B4GALNT2: variants seen among roughly 807,000 people sequenced by gnomAD.
B4GALNT2 encodes beta-1,4-N-acetyl-galactosaminyltransferase 2 (SID blood group).
B4GALNT2 carries 42 observed loss-of-function variants against 51.1 expected under a neutral mutation model. The observed-to-expected ratio is 0.82, with a 90% CI of 0.64 to 1.06. The LOEUF (loss-of-function observed/expected upper bound fraction) is 1.06, where lower values mean the gene tolerates loss of function less well. Ranked by LOEUF, B4GALNT2 falls within the 50% of genes least tolerant of loss-of-function variation. The pLI, the probability that B4GALNT2 is intolerant of heterozygous loss-of-function variation, is 0.00. For synonymous variants in B4GALNT2, 253 were observed against 251.7 expected, an observed-to-expected ratio of 1.01 and a Z score of -0.05; for missense variants, 602 against 633.6, an observed-to-expected ratio of 0.95 and a Z score of 0.54.
In B4GALNT2 at chr17:49,160,277, C is replaced by A. The variant is rs112935998; in HGVS notation, c.680-278C>A. Among the ~76,000 whole-genome samples the A allele has an allele frequency of 3.6e-3, 552 of 152,212 alleles. 1 individual carries two copies. Among genetic ancestry groups the A allele is most frequent in the African/African-American group, 0.013 (521 of 41,514 alleles). The stretch of plus-strand genomic sequence containing the variant: ...AAAATCAGATAGTAAATGGTAAAGT[C>A]AAACTTAGCCCAGACCCTCTGGTTT... On this transcript the variant is annotated intron_variant, in intron 6 of 10. Coordinates refer to ENST00000393354, the MANE Select transcript of B4GALNT2 (RefSeq NM_001159387.2).
intron 1 of B4GALNT2, among the ~76,000 whole-genome samples, chr17:49,137,516 C>G (rs2042601828): frequency 6.6e-6 from 1 of 152,108 alleles, no homozygotes; most frequent in South Asian, 2.1e-4. Flanking sequence ...TTGCCAGCCT[C>G]CAGAACATAA....
chr17:49,136,518 G>GTTTA (rs141696525), intron 1 of B4GALNT2, among the ~76,000 whole-genome samples: 5,646 of 148,372 alleles, frequency 0.038, 129 homozygotes, highest in Admixed American at 0.05. Context: ...TCACATTAGA[G>GTTTA]TTTATTTATT....
chr17:49,147,591 G>A (rs1298359602), intron 3 of B4GALNT2, among the ~76,000 whole-genome samples: 2 of 151,778 alleles, frequency 1.3e-5, no homozygotes, highest in Non-Finnish European at 2.9e-5. Context: ...GCCCAGGCTT[G>A]TCTCAAACTC....
chr17:49,139,137 A>G (rs565183060), intron 1 of B4GALNT2, among the ~76,000 whole-genome samples: 14 of 152,182 alleles, frequency 9.2e-5, no homozygotes, highest in Non-Finnish European at 1.6e-4. Flanking sequence ...CCTGTAAATA[A>G]TACTTTTTAT....
In B4GALNT2 at chr17:49,173,909, C is replaced by T. The variant is rs1476752134; in HGVS notation, c.*4181C>T. 1.3e-5 allele frequency: 2 copies of T among 152,142 alleles called. No individual in the cohort carries two copies. The highest frequency in any genetic ancestry group is 6.6e-5 in the Admixed American group (1 of 15,262). The allele number at this position is 152,142 out of a possible 1,614,324, so 9.4% of individuals were successfully genotyped here. ...TTGATGAGCTGCAGCTCTGCATCAG[C>T]TTCTTTTGTTAATTGCCGAGGGCTA... On this transcript the variant is annotated 3_prime_UTR_variant, in exon 11 of 11. Coordinates refer to ENST00000393354, the MANE Select transcript of B4GALNT2 (RefSeq NM_001159387.2).
the B4GALNT2 span, among the ~76,000 whole-genome samples, chr17:49,124,566 A>G: frequency 6.6e-6 from 1 of 152,230 alleles, no homozygotes; most frequent in Admixed American, 6.5e-5. Flanking sequence ...TAACTTTGGA[A>G]CACATACCAA....
At chr17:49,122,947 G>A in the B4GALNT2 span, among the ~76,000 whole-genome samples, 12 of 152,360 alleles carry the variant, frequency 7.9e-5, no homozygotes, top group East Asian at 2.3e-3. Flanking sequence ...TGGCTGAGAA[G>A]GAGAGGTAGG....
chr17:49,161,971 T>G (rs1018363650), intron 7 of B4GALNT2, among the ~76,000 whole-genome samples: 2 of 151,066 alleles, frequency 1.3e-5, no homozygotes, highest in African/African-American at 4.8e-5. Flanking sequence ...TATATAAAAT[T>G]TTATATATTA....
intron 4 of B4GALNT2, 147 bp from the exon 5 acceptor site, chr17:49,156,419 C>T (rs369293546): frequency 1.3e-4 from 98 of 768,758 alleles, no homozygotes; most frequent in East Asian, 1.1e-3. Flanking sequence ...TGGGGAGAGG[C>T]GCACGTGTCA....
intron 3 of B4GALNT2, among the ~76,000 whole-genome samples, chr17:49,147,966 T>TTATATATATATATATATATA (rs140831657): frequency 1.4e-5 from 2 of 147,640 alleles, no homozygotes; most frequent in African/African-American, 5.0e-5. Flanking sequence ...TTTTATTCAA[T>TTATATATATATATATATATA]TATATATATA....
intron 4 of B4GALNT2, among the ~76,000 whole-genome samples, chr17:49,155,435 T>G (rs531623959): frequency 1.3e-5 from 2 of 150,308 alleles, no homozygotes; most frequent in African/African-American, 4.9e-5. Context: ...AAACCCCATC[T>G]CCACTAAAAA....
chr17:49,143,300 A>G (rs201598713), intron 3 of B4GALNT2, among the ~76,000 whole-genome samples: 2 of 91,194 alleles, frequency 2.2e-5, no homozygotes, highest in Admixed American at 1.2e-4. Context: ...AACAACAAAA[A>G]CAAAAAAACA....
At chr17:49,142,324 G>A in intron 3 of B4GALNT2, 152 bp downstream of exon 3, 1 of 1,002,544 alleles carries the variant, frequency 1.0e-6, no homozygotes, top group South Asian at 1.8e-5. Flanking sequence ...AACAAAGAAG[G>A]AATCGAGGAA....
At chr17:49,157,418 T>C (rs2042821552) in intron 5 of B4GALNT2, among the ~76,000 whole-genome samples, 2 of 147,232 alleles carry the variant, frequency 1.4e-5, no homozygotes, top group African/African-American at 2.5e-5. Context: ...CCTCCCGAGT[T>C]CAATCGAGTC....
Position 49,164,269 on chromosome 17 carries a change from T to C in B4GALNT2, c.948T>C (p.Phe316=), listed in dbSNP as rs1198481937. The C allele has an allele frequency of 6.2e-7, 1 of 1,610,910 alleles. No individual in the cohort carries two copies. Among genetic ancestry groups the C allele is most frequent in the Non-Finnish European group, 8.5e-7 (1 of 1,177,124 alleles). Reference sequence around the variant, plus strand: ...ACGTGGAGTATTACACTATGCCCTTTGGGAAGGTATGTCCCTCTCAGATTG... The same window carrying C: ...ACGTGGAGTATTACACTATGCCCTTCGGGAAGGTATGTCCCTCTCAGATTG... ...DNHVEYYTMP[F]GKGWFAGRNL... is the part of the protein sequence containing the mutation. Residue 316 remains phenylalanine, a synonymous_variant, in exon 8 of 11, where the codon TTT becomes TTC. Transcript: ENST00000393354.
chr17:49,139,642 C>G (rs6504598), intron 1 of B4GALNT2, among the ~76,000 whole-genome samples: 65,640 of 151,956 alleles, frequency 0.43, 15,068 homozygotes, highest in African/African-American at 0.59. Flanking sequence ...TTAGCCTCCT[C>G]AGTAGTTAGG....
chr17:49,153,841 A>G (rs2042782542), intron 4 of B4GALNT2, among the ~76,000 whole-genome samples: 1 of 151,520 alleles, frequency 6.6e-6, no homozygotes, highest in Admixed American at 6.6e-5. Flanking sequence ...GCCTTATTGT[A>G]TCCACAACTG....
chr17:49,135,917 A>G (rs1248996160), intron 1 of B4GALNT2, among the ~76,000 whole-genome samples: 1 of 151,676 alleles, frequency 6.6e-6, no homozygotes, highest in East Asian at 2.0e-4. Context: ...CAAAAATAAA[A>G]TAAAATAAAA....
At chr17:49,140,500 C>T (rs2042633312) in intron 1 of B4GALNT2, among the ~76,000 whole-genome samples, 1 of 152,170 alleles carries the variant, frequency 6.6e-6, no homozygotes, top group African/African-American at 2.4e-5. Context: ...GAGACTTGAT[C>T]AAGTGAGACA....
Sources: allele counts gnomAD v4.1 joint callset (sites outside exome capture counted in the v4.1 genomes callset), GRCh38; gene constraint gnomAD v4.1.1; transcripts MANE v1.5; gene names NCBI Gene and HGNC (gene_info 2026-07-23, HGNC 2026-07-21).